HDGFL3: variants seen among roughly 807,000 people sequenced by gnomAD.
HDGFL3 encodes HDGF like 3.
HDGFL3 carries 6 observed loss-of-function variants against 27.6 expected under a neutral mutation model. That is an observed-to-expected ratio of 0.22 (90% CI 0.12 to 0.43). The LOEUF (loss-of-function observed/expected upper bound fraction) is 0.43. Ranked by LOEUF, HDGFL3 falls within the 20% of genes least tolerant of loss-of-function variation. The pLI, the probability that HDGFL3 is intolerant of heterozygous loss-of-function variation, is 1.00. For missense variants in HDGFL3, 207 were observed against 250.1 expected, an observed-to-expected ratio of 0.83 and a Z score of 1.16; for synonymous variants, 88 against 88.9, an observed-to-expected ratio of 0.99 and a Z score of 0.05.
chr15:83,187,982 G>A (rs1289773840), intron 1 of HDGFL3, among the ~76,000 whole-genome samples: 1 of 151,694 alleles, frequency 6.6e-6, no homozygotes, highest in Non-Finnish European at 1.5e-5. Flanking sequence ...TGAGGAGATT[G>A]TTGGATCATA....
chr15:83,140,483 T>TTA (rs1555452503), intron 5 of HDGFL3, among the ~76,000 whole-genome samples: 6 of 147,392 alleles, frequency 4.1e-5, no homozygotes, highest in African/African-American at 1.5e-4. Flanking sequence ...CAAAGAAAGT[T>TTA]TTTTTTTTTT....
In HDGFL3 at chr15:83,139,130, G is replaced by A. The variant is rs533523542; in HGVS notation, c.*140C>T. On this transcript the variant is annotated 3_prime_UTR_variant, in exon 6 of 6. Coordinates refer to ENST00000299633, the MANE Select transcript of HDGFL3 (RefSeq NM_016073.4). ...CCCGAAACACAACAGAGAGGAATAT[G>A]AATAATGTACATACAAACTGGGGTT... 1.1e-5 allele frequency: 5 copies of A among 473,510 alleles called. No homozygotes were observed. Among genetic ancestry groups the A allele is most frequent in the Non-Finnish European group, 1.9e-5 (5 of 268,196 alleles). The allele number at this position is 473,510 out of a possible 1,614,324, so 29.3% of individuals were successfully genotyped here.
intron 1 of HDGFL3, among the ~76,000 whole-genome samples, chr15:83,171,714 G>C (rs1429841590): frequency 6.6e-6 from 1 of 151,312 alleles, no homozygotes; most frequent in Middle Eastern, 3.2e-3. Flanking sequence ...GCAAAGATGA[G>C]AACAGTAGAC....
intron 1 of HDGFL3, among the ~76,000 whole-genome samples, chr15:83,196,805 T>C (rs1350850666): frequency 6.6e-6 from 1 of 152,180 alleles, no homozygotes; most frequent in Non-Finnish European, 1.5e-5. Context: ...ATGATTTTCA[T>C]TTATAAGCAA....
chr15:83,136,226 T>C lies in HDGFL3; in HGVS notation c.*3044A>G, dbSNP rs2036598299. On this transcript the variant is annotated 3_prime_UTR_variant, in exon 6 of 6. Transcript: ENST00000299633. ...TGATGGTTAAAAAACACAACTGGCA[T>C]GATAAAACTACACTAAATAATATCT... is the stretch of plus-strand genomic sequence containing the variant. The C allele has an allele frequency of 3.1e-6, 1 of 319,966 alleles. No individual in the cohort carries two copies. Among genetic ancestry groups the C allele is most frequent in the East Asian group, 4.9e-5 (1 of 20,216 alleles). The allele number at this position is 319,966 out of a possible 1,614,324, so 19.8% of individuals were successfully genotyped here.
At chr15:83,142,923 T>G (rs1394271662) in intron 5 of HDGFL3, among the ~76,000 whole-genome samples, 2 of 152,196 alleles carry the variant, frequency 1.3e-5, no homozygotes, top group African/African-American at 4.8e-5. Context: ...TTTATTATAT[T>G]AAATGAATTA....
At chr15:83,187,442 A>G (rs181807509) in intron 1 of HDGFL3, among the ~76,000 whole-genome samples, 1 of 152,310 alleles carries the variant, frequency 6.6e-6, no homozygotes, top group East Asian at 1.9e-4. Context: ...AATTCTCTGC[A>G]CCATGAAAAG....
chr15:83,207,461 C>T lies in HDGFL3; in HGVS notation c.-47G>A, dbSNP rs749681156. On this transcript the variant is annotated 5_prime_UTR_variant, in exon 1 of 6. Transcript: ENST00000299633. This position sits in a 1 kb window ranked among gnomAD's most constrained non-coding sequence, Gnocchi z 4.8. The stretch of plus-strand genomic sequence containing the variant: ...TAGTCCTTGGTCGCCGCGAAGATGC[C>T]GGGAGGCCGCCCCCCCGCGGGCCGA... 30 of 1,242,206 alleles carry T rather than the reference C, an allele frequency of 2.4e-5. No individual in the cohort carries two copies. The highest frequency in any genetic ancestry group is 3.0e-5 in the Non-Finnish European group (29 of 979,740). 76.9% of individuals were successfully genotyped at this position (1,242,206 alleles called of 1,614,324 possible).
At chr15:83,187,103 CAT>C (rs995952694) in intron 1 of HDGFL3, among the ~76,000 whole-genome samples, 6 of 151,114 alleles carry the variant, frequency 4.0e-5, no homozygotes, top group Non-Finnish European at 8.8e-5. Context: ...TATATACACA[CAT>C]ATATTTTACA....
chr15:83,119,679 G>A, intron 3 of HDGFL3: 1 of 1,614,144 alleles, frequency 6.2e-7, no homozygotes. Flanking sequence ...CCATAGCATG[G>A]GAGTAAGTCA....
Position 83,207,254 on chromosome 15 carries a change from G to A in HDGFL3, c.84+77C>T. The A allele has an allele frequency of 9.6e-7, 1 of 1,044,536 alleles. No individual in the cohort carries two copies. Among genetic ancestry groups the A allele is most frequent in the Non-Finnish European group, 1.3e-6 (1 of 792,172 alleles). The allele number at this position is 1,044,536 out of a possible 1,614,324, so 64.7% of individuals were successfully genotyped here. On this transcript the variant is annotated intron_variant, in intron 1 of 5. Coordinates refer to ENST00000299633, the MANE Select transcript of HDGFL3 (RefSeq NM_016073.4). The surrounding 1 kb of genome is among the most constrained non-coding windows in gnomAD (Gnocchi z 4.8). Reference sequence around the variant, plus strand: ...GCTGCGGGCTCGGGGCTGAGGCGATGGGGAAAGGGGGCGGGCGCGCCATCA... The same window carrying A: ...GCTGCGGGCTCGGGGCTGAGGCGATAGGGAAAGGGGGCGGGCGCGCCATCA...
At chr15:83,125,825 G>A (rs1476391382), downstream of HDGFL3, among the ~76,000 whole-genome samples, 1 of 152,166 alleles carries the variant, frequency 6.6e-6, no homozygotes, top group East Asian at 1.9e-4. Context: ...AGGGTGAGAA[G>A]CTGTTTTAAG....
At chr15:83,178,431 TAA>T (rs1279475942) in intron 1 of HDGFL3, among the ~76,000 whole-genome samples, 1 of 152,198 alleles carries the variant, frequency 6.6e-6, no homozygotes, top group East Asian at 1.9e-4. Flanking sequence ...GTCATACTCT[TAA>T]GTTTGTTTTT....
rs2036673978 is a variant in HDGFL3 at position 83,137,442 on chromosome 15, C to T, written c.*1828G>A. The T allele has an allele frequency of 6.6e-6, 1 of 151,934 alleles. No individual in the cohort carries two copies. Among genetic ancestry groups the T allele is most frequent in the Non-Finnish European group, 1.5e-5 (1 of 67,962 alleles). 9.4% of individuals were successfully genotyped at this position (151,934 alleles called of 1,614,324 possible). A position where few individuals can be genotyped will look rare whatever the true frequency, so the allele number is the denominator to read the frequency against. On this transcript the variant is annotated 3_prime_UTR_variant, in exon 6 of 6. Coordinates refer to ENST00000299633, the MANE Select transcript of HDGFL3 (RefSeq NM_016073.4). ...AAGAAAATTTGTGAGTTGTATATTC[C>T]AATTCAAAATGCCATCTACATTCCC...
intron 1 of HDGFL3, among the ~76,000 whole-genome samples, chr15:83,181,769 C>G (rs1439176120): frequency 6.6e-6 from 1 of 152,240 alleles, no homozygotes; most frequent in Non-Finnish European, 1.5e-5. Flanking sequence ...AGCCACCATG[C>G]CTGGCCCTTA....
rs2036651642 is a variant in HDGFL3, at chr15:83,136,926, ATT to A, written c.*2342_*2343del. The A allele has an allele frequency of 3.6e-6, 1 of 280,644 alleles. No individual in the cohort carries two copies. Among genetic ancestry groups the A allele is most frequent in the Admixed American group, 4.7e-5 (1 of 21,284 alleles). The allele number at this position is 280,644 out of a possible 1,614,324, so 17.4% of individuals were successfully genotyped here. Reference sequence around the variant, plus strand: ...AATAAACTTGATCATCCATCTCAATATTGTTTGACATATAAAATAATTATAAG... The same window carrying A: ...AATAAACTTGATCATCCATCTCAATAGTTTGACATATAAAATAATTATAAG... On this transcript the variant is annotated 3_prime_UTR_variant, in exon 6 of 6. Coordinates refer to ENST00000299633, the MANE Select transcript of HDGFL3 (RefSeq NM_016073.4).
chr15:83,119,152 CGGGATCAGCATG>C lies in HDGFL3; in HGVS notation c.394-3423_394-3412del, dbSNP rs1567140099. Among the ~76,000 whole-genome samples the C allele has an allele frequency of 7.9e-5, 12 of 152,286 alleles. No homozygotes were observed. The East Asian group carries it at 2.3e-3, about 30-fold the overall frequency. ...GTGCCATGCCCAGCCCAGCAAGCCA[CGGGATCAGCATG>C]AATTATTAAGGCCAGCCACTGGTTC... is the stretch of plus-strand genomic sequence containing the variant. On this transcript the variant is annotated intron_variant, in intron 3 of 3. Transcript: ENST00000568294.
intron 4 of HDGFL3, among the ~76,000 whole-genome samples, chr15:83,154,546 A>T (rs1229238824): frequency 6.6e-6 from 1 of 152,110 alleles, no homozygotes; most frequent in East Asian, 1.9e-4. Context: ...GGGTTCAACA[A>T]TGTTTCTATT....
rs367829388 is a variant in HDGFL3, at chr15:83,199,344, T to G, written c.84+7987A>C. ...ACTTCAGTGTCAAAGGAAAAGGAAA[T>G]AGAGATCTGAAGTTGAGTTTATTTT... is the stretch of plus-strand genomic sequence containing the variant. On this transcript the variant is annotated intron_variant, in intron 1 of 5. Coordinates refer to ENST00000299633, the MANE Select transcript of HDGFL3 (RefSeq NM_016073.4). Among the ~76,000 whole-genome samples the G allele has an allele frequency of 7.9e-5, 12 of 152,314 alleles. No homozygotes were observed. The South Asian group carries it at 2.5e-3, about 32-fold the overall frequency.
Sources: gnomAD v4.1 joint callset for allele counts (sites outside exome capture counted in the v4.1 genomes callset) on GRCh38, gnomAD v4.1.1 for gene constraint, Gnocchi (gnomAD v3.1) non-coding constraint, MANE v1.5 for transcripts, NCBI Gene and HGNC (gene_info 2026-07-23, HGNC 2026-07-21) for gene names.